The following TRNAU1AP variants were observed in gnomAD, a reference collection of about 807,000 sequenced individuals.
TRNAU1AP encodes tRNA selenocysteine 1-associated protein 1.
In TRNAU1AP, 33 loss-of-function variants were observed where a neutral mutation model predicts 43.3. That is an observed-to-expected ratio of 0.76 (90% CI 0.58 to 1.02). TRNAU1AP has a LOEUF of 1.02. TRNAU1AP is among the 50% of genes least tolerant of loss of function. The probability of loss-of-function intolerance (pLI) is 0.00; values close to 1 mark genes in which losing one functional copy is unlikely to be tolerated. For missense variants in TRNAU1AP, 290 were observed against 362.7 expected (o/e 0.80, Z 1.63); for synonymous variants, 143 against 129.1 (o/e 1.11, Z -0.73).
At chr1:28,561,079 AT>A in intron 3 of TRNAU1AP, 1 of 1,367,542 alleles carries the variant, frequency 7.3e-7, no homozygotes, top group Non-Finnish European at 9.4e-7. Context: ...GCAAGGACAC[AT>A]TTCAAGAGAG....
Position 28,571,136 on chromosome 1 carries a change from T to C in TRNAU1AP, c.531-40T>C, listed in dbSNP as rs764796729. The C allele has an allele frequency of 6.9e-6, 11 of 1,602,846 alleles. No homozygotes were observed. In the South Asian group the frequency reaches 9.9e-5, roughly 14 times the overall value. On this transcript the variant is annotated intron_variant, in intron 6 of 8. Coordinates refer to ENST00000373830, the MANE Select transcript of TRNAU1AP (RefSeq NM_017846.5). ...GGCCACATAGGCAGTGTTACGGAAA[T>C]GTTTGCTTACACTTATTTTTGTTTC...
rs945255476 is a variant in TRNAU1AP at position 28,578,528 on chromosome 1, A to G, written c.*892A>G. 6.2e-6 allele frequency: 2 copies of G among 322,306 alleles called. No homozygotes were observed. Among genetic ancestry groups the G allele is most frequent in the Non-Finnish European group, 1.3e-5 (2 of 155,632 alleles). 20.0% of individuals were successfully genotyped at this position (322,306 alleles called of 1,614,324 possible). On this transcript the variant is annotated 3_prime_UTR_variant, in exon 9 of 9. Transcript: ENST00000373830. ...AGTTCGGTCTCTACAAAAAAATACA[A>G]ACACAAATATACTTTTATTAGTCTT...
intron 1 of TRNAU1AP, 103 bp downstream of exon 1, chr1:28,553,240 G>A: frequency 7.9e-7 from 1 of 1,269,054 alleles, no homozygotes; most frequent in Non-Finnish European, 1.1e-6. Flanking sequence ...CCAGAAAGGG[G>A]AGACGTGTGA....
intron 8 of TRNAU1AP, among the ~76,000 whole-genome samples, chr1:28,572,564 T>C (rs1253342750): frequency 1.3e-5 from 2 of 152,122 alleles, no homozygotes; most frequent in Non-Finnish European, 2.9e-5. Context: ...TTATTTTTTT[T>C]CTGTTTTTCA....
intron 6 of TRNAU1AP, 42 bp from the exon 7 acceptor site, chr1:28,571,134 A>T: frequency 6.2e-7 from 1 of 1,602,340 alleles, no homozygotes; most frequent in Non-Finnish European, 8.5e-7. Flanking sequence ...GTGTTACGGA[A>T]ATGTTTGCTT....
chr1:28,561,861 A>G (rs953975367), intron 4 of TRNAU1AP, among the ~76,000 whole-genome samples: 1 of 152,158 alleles, frequency 6.6e-6, no homozygotes, highest in Admixed American at 6.6e-5. Context: ...TCACGAGGTC[A>G]GGAGATCGAG....
chr1:28,571,115 A>G, intron 6 of TRNAU1AP, 61 bp from the exon 7 acceptor site: 1 of 1,525,058 alleles, frequency 6.6e-7, no homozygotes. Context: ...GTCTGTGGCC[A>G]CATAGGCAGT....
At chr1:28,556,701 T>G (rs569442612) in intron 2 of TRNAU1AP, among the ~76,000 whole-genome samples, 13 of 151,988 alleles carry the variant, frequency 8.6e-5, no homozygotes, top group African/African-American at 2.9e-4. Context: ...GTTTGTTTTT[T>G]GAGACGGAGT....
chr1:28,574,907 T>G (rs575290457), intron 8 of TRNAU1AP, among the ~76,000 whole-genome samples: 56 of 152,148 alleles, frequency 3.7e-4, no homozygotes, highest in Non-Finnish European at 6.5e-4. Context: ...ATGCCAACTG[T>G]AGTGACCTTG....
At chr1:28,558,215 A>ATTTT (rs1187371829) in intron 2 of TRNAU1AP, among the ~76,000 whole-genome samples, 1 of 110,584 alleles carries the variant, frequency 9.0e-6, no homozygotes, top group Non-Finnish European at 1.8e-5. Context: ...TAATTTTTGT[A>ATTTT]TTTTTTTTTT....
intron 8 of TRNAU1AP, 123 bp from the exon 9 acceptor site, chr1:28,577,377 C>A: frequency 9.2e-7 from 1 of 1,081,678 alleles, no homozygotes; most frequent in Non-Finnish European, 1.3e-6. Context: ...GCTTTCACTT[C>A]CTGAAAGAAA....
intron 2 of TRNAU1AP, among the ~76,000 whole-genome samples, chr1:28,556,683 T>G (rs555915610): frequency 1.3e-5 from 2 of 151,802 alleles, no homozygotes; most frequent in South Asian, 2.1e-4. Flanking sequence ...AGCTCATTTT[T>G]TTTGTTTGTT....
At chr1:28,557,478 T>C (rs1665292919) in intron 2 of TRNAU1AP, among the ~76,000 whole-genome samples, 1 of 151,120 alleles carries the variant, frequency 6.6e-6, no homozygotes, top group Non-Finnish European at 1.5e-5. Context: ...TCTTTTTTTT[T>C]TTTTTTTTTT....
At position 28,577,858 on chromosome 1, in the gene TRNAU1AP, G is replaced by T. The variant is rs998031107; in HGVS notation, c.*222G>T. The T allele has an allele frequency of 3.9e-6, 2 of 510,672 alleles. No homozygotes were observed. Among genetic ancestry groups the T allele is most frequent in the African/African-American group, 1.9e-5 (1 of 51,298 alleles). 31.6% of individuals were successfully genotyped at this position (510,672 alleles called of 1,614,324 possible). On this transcript the variant is annotated 3_prime_UTR_variant, in exon 9 of 9. Transcript: ENST00000373830. ...AAGGTTCAAATTGGTTTCCTTCACAGGAATCCTTTGTCCAGGTAGTTATCC... is the reference window on the plus strand; with the variant it reads ...AAGGTTCAAATTGGTTTCCTTCACATGAATCCTTTGTCCAGGTAGTTATCC...
At position 28,561,321 on chromosome 1, in the gene TRNAU1AP, AGTTT is replaced by A. The variant is rs774322582; in HGVS notation, c.226-16_226-13del. On this transcript the variant is annotated intron_variant, in intron 3 of 8. Transcript: ENST00000373830. ...CTCTTGAAACACCTTTCTCTGTTTT[AGTTT>A]GTTTGTTTTTCAACTTCCAGGCGAA... The A allele has an allele frequency of 2.2e-5, 36 of 1,613,782 alleles. 1 individual carries two copies. Among genetic ancestry groups the A allele is most frequent in the East Asian group, 1.6e-4 (7 of 44,896 alleles).
intron 8 of TRNAU1AP, among the ~76,000 whole-genome samples, chr1:28,574,295 C>A (rs544226255): frequency 7.9e-5 from 12 of 152,088 alleles, no homozygotes; most frequent in Admixed American, 7.9e-4. Flanking sequence ...AGCATGTTGG[C>A]CAGGCTGGTT....
chr1:28,568,292 T>C (rs1332074810), intron 6 of TRNAU1AP, among the ~76,000 whole-genome samples: 2 of 152,168 alleles, frequency 1.3e-5, no homozygotes, highest in Non-Finnish European at 2.9e-5. Context: ...GATTTTTTGT[T>C]TGTTTGTTTT....
At chr1:28,563,696 AAG>A (rs1186176515) in intron 4 of TRNAU1AP, among the ~76,000 whole-genome samples, 6 of 151,800 alleles carry the variant, frequency 4.0e-5, no homozygotes, top group Non-Finnish European at 1.5e-5. Flanking sequence ...AAAAAAAAAA[AAG>A]GAAATTAGCT....
chr1:28,561,555 A>T (rs1463711127), intron 4 of TRNAU1AP, among the ~76,000 whole-genome samples, 157 bp downstream of exon 4: 4 of 152,252 alleles, frequency 2.6e-5, no homozygotes, highest in African/African-American at 9.6e-5. Context: ...GGTGTGCTTC[A>T]TGCAAGACCC....
Sources: allele counts gnomAD v4.1 joint callset (sites outside exome capture counted in the v4.1 genomes callset), GRCh38; gene constraint gnomAD v4.1.1; transcripts MANE v1.5; gene names NCBI Gene and HGNC (gene_info 2026-07-23, HGNC 2026-07-21).